Variants in REXO4 observed in about 807,000 individuals in gnomAD.
REXO4 encodes the protein REX4 homolog, 3'-5' exonuclease.
A neutral mutation model predicts 39.9 loss-of-function variants in REXO4; 29 were observed. The observed-to-expected ratio is 0.73, with a 90% CI of 0.54 to 0.99. The LOEUF (loss-of-function observed/expected upper bound fraction) is 0.99, where lower values mean the gene tolerates loss of function less well. Ranked by LOEUF, REXO4 falls within the 50% of genes least tolerant of loss-of-function variation. The pLI is 0.00. For synonymous variants in REXO4, 184 were observed against 206.2 expected (o/e 0.89, Z 0.92); for missense variants, 524 against 546.5 (o/e 0.96, Z 0.41).
intron 5 of REXO4, among the ~76,000 whole-genome samples, chr9:133,409,862 C>T (rs1053365113): frequency 2.6e-5 from 4 of 152,218 alleles, no homozygotes; most frequent in African/African-American, 9.7e-5. Flanking sequence ...TGTGTCTGGT[C>T]CTTAGCATCA....
chr9:133,407,218 G>A (rs922623256), intron 7 of REXO4, 146 bp from the exon 8 acceptor site: 7 of 1,267,248 alleles, frequency 5.5e-6, no homozygotes, highest in East Asian at 2.4e-5. Flanking sequence ...TCACCAGGAC[G>A]GGGAGGGAGG....
At chr9:133,417,174 G>C (rs7037605) in intron 1 of REXO4, among the ~76,000 whole-genome samples, 9,208 of 152,242 alleles carry the variant, frequency 0.06, 857 homozygotes, top group African/African-American at 0.2. Context: ...ATCACGCCCG[G>C]CTAATATTTT....
At chr9:133,414,517 A>G (rs1839439696) in intron 2 of REXO4, 148 bp downstream of exon 2, 1 of 784,014 alleles carries the variant, frequency 1.3e-6, no homozygotes, top group East Asian at 2.6e-5. Flanking sequence ...CTAGGGGAAA[A>G]CAAGTAACAG....
chr9:133,415,689 G>A (rs921665078), intron 1 of REXO4: 1 of 152,172 alleles, frequency 6.6e-6, no homozygotes, highest in African/African-American at 2.4e-5. Flanking sequence ...AAGAACTGAA[G>A]GGCTGACTTT....
At chr9:133,417,237 G>A (rs1371430468) in intron 1 of REXO4, among the ~76,000 whole-genome samples, 3 of 152,308 alleles carry the variant, frequency 2.0e-5, no homozygotes, top group African/African-American at 4.8e-5. Flanking sequence ...GGCTGGTCTT[G>A]AACTCTTGAC....
At chr9:133,416,277 G>A (rs1372475035) in intron 1 of REXO4, among the ~76,000 whole-genome samples, 1 of 152,126 alleles carries the variant, frequency 6.6e-6, no homozygotes, top group South Asian at 2.1e-4. Context: ...TTACTGAGGG[G>A]AGGGCACCAA....
chr9:133,411,028 T>G lies in REXO4; in HGVS notation c.956A>C (p.Lys319Thr). Residue 319 changes from lysine to threonine, a missense_variant, in exon 5 of 8, where the codon AAG becomes ACG. Physicochemically the swap from Lys to Thr is moderately conservative, Grantham distance 78 (BLOSUM62 -1). Transcript: ENST00000371942. ...AGCGTGCCCCACTAGAATTCTGCCC[T>G]TCAGCATCTCTGCCACTTCCTTCTG... ...VVQKEVAEML[K>T]GRILVGHALH... 4 of 1,614,104 alleles carry G rather than the reference T, an allele frequency of 2.5e-6. No homozygotes were observed. Among genetic ancestry groups the G allele is most frequent in the Non-Finnish European group, 3.4e-6 (4 of 1,179,990 alleles).
chr9:133,410,892 C>T, intron 5 of REXO4, 93 bp downstream of exon 5: 1 of 905,214 alleles, frequency 1.1e-6, no homozygotes, highest in East Asian at 2.5e-5. Flanking sequence ...AGCACAAACC[C>T]ACACATTGTT....
At position 133,406,825 on chromosome 9, in the gene REXO4, G is replaced by A. The variant is rs1554778881; in HGVS notation, c.*128C>T. 18 of 1,381,362 alleles carry A rather than the reference G, an allele frequency of 1.3e-5. No homozygotes were observed. Among genetic ancestry groups the A allele is most frequent in the East Asian group, 2.3e-5 (1 of 43,174 alleles). 85.6% of individuals were successfully genotyped at this position (1,381,362 alleles called of 1,614,324 possible). On this transcript the variant is annotated 3_prime_UTR_variant, in exon 8 of 8. Transcript: ENST00000371942. ...AGGAGGACCTTCTCAGTAGCACCAC[G>A]CCACGCCCCTCTGCCATGATTCTGA...
chr9:133,411,752 C>A (rs782777988), intron 4 of REXO4, among the ~76,000 whole-genome samples: 1 of 151,962 alleles, frequency 6.6e-6, no homozygotes, highest in African/African-American at 2.4e-5. Context: ...TGTGGAGAAA[C>A]CCTGTCTCTA....
rs71503345 is a variant in REXO4, at chr9:133,408,934, T to TTGTGTGTG, written c.1000-100_1000-93dup. 801 of 321,802 alleles carry TTGTGTGTG rather than the reference T, an allele frequency of 2.5e-3. 20 individuals are homozygous for TTGTGTGTG. The highest frequency in any genetic ancestry group is 0.016 in the African/African-American group (481 of 29,392). 19.9% of individuals were successfully genotyped at this position (321,802 alleles called of 1,614,324 possible). On this transcript the variant is annotated intron_variant, in intron 5 of 7. Transcript: ENST00000371942. ...CCGCCACCTTTTGCAAGTAACATCT[T>TTGTGTGTG]TGTGTGTGTGTGTGTGTGTGTGTGT... is the stretch of plus-strand genomic sequence containing the variant.
intron 2 of REXO4, among the ~76,000 whole-genome samples, chr9:133,414,116 G>A (rs898529767): frequency 6.6e-6 from 1 of 152,182 alleles, no homozygotes; most frequent in Non-Finnish European, 1.5e-5. Context: ...CGTCACCCAG[G>A]CTGGAGGCAG....
Position 133,412,872 on chromosome 9 carries a change from T to C in REXO4, c.622A>G (p.Ile208Val), listed in dbSNP as rs781805204. 3.1e-6 allele frequency: 5 copies of C among 1,614,132 alleles called. No homozygotes were observed. The highest frequency in any genetic ancestry group is 1.7e-5 in the Admixed American group (1 of 60,034). The change falls in exon 3 of 8, where the codon ATA (isoleucine) becomes GTA (valine). Residue 208 changes from isoleucine to valine, a missense_variant. By Grantham distance (29) the Ile-to-Val change is conservative. Coordinates refer to ENST00000371942, the MANE Select transcript of REXO4 (RefSeq NM_020385.4). Reference protein sequence around the residue: ...DVDPADIEAAIGPEAAKIARK... With the variant: ...DVDPADIEAAVGPEAAKIARK... ...GCTATCTTGGCCGCCTCTGGACCTA[T>C]GGCAGCTTCGATATCCGCTGGGTCC...
chr9:133,412,817 C>G lies in REXO4; in HGVS notation c.677G>C (p.Ser226Thr). 2 of 1,613,852 alleles carry G rather than the reference C, an allele frequency of 1.2e-6. No homozygotes were observed. Among genetic ancestry groups the G allele is most frequent in the Non-Finnish European group, 1.7e-6 (2 of 1,180,040 alleles). The change falls in exon 3 of 8, where the codon AGC becomes ACC. Residue 226 changes from serine to threonine, a missense_variant. Physicochemically the swap from Ser to Thr is moderately conservative, Grantham distance 58. Coordinates refer to ENST00000371942, the MANE Select transcript of REXO4 (RefSeq NM_020385.4). ...ARKQLGQSEG[S>T]VSLSLVKEQA... The stretch of plus-strand genomic sequence containing the variant: ...CTCTTTCACGAGGCTGAGGCTGACG[C>G]TGCCCTCGCTCTGACCCAACTGTTT...
At chr9:133,416,085 A>T (rs1217875954) in intron 1 of REXO4, among the ~76,000 whole-genome samples, 1 of 152,212 alleles carries the variant, frequency 6.6e-6, no homozygotes, top group Non-Finnish European at 1.5e-5. Context: ...ATGGTTTTGC[A>T]GGTTGTACAA....
intron 6 of REXO4, among the ~76,000 whole-genome samples, chr9:133,408,288 TA>T (rs781897193): frequency 2.0e-5 from 3 of 151,920 alleles, no homozygotes; most frequent in East Asian, 3.9e-4. Flanking sequence ...ACCCTATCTC[TA>T]AAAAAATAAA....
In REXO4 at chr9:133,411,087, A is replaced by G; in HGVS notation, c.911-14T>C. ...CAAGCTCTTCTCCTGGAAAATCAAC[A>G]CAAAGAAGCGGTTTTTTGCAACACA... is the stretch of plus-strand genomic sequence containing the variant. On this transcript the variant is annotated splice_polypyrimidine_tract_variant and intron_variant, in intron 4 of 7. Coordinates refer to ENST00000371942, the MANE Select transcript of REXO4 (RefSeq NM_020385.4). The G allele has an allele frequency of 6.2e-7, 1 of 1,612,526 alleles. No homozygotes were observed. Among genetic ancestry groups the G allele is most frequent in the South Asian group, 1.1e-5 (1 of 91,032 alleles).
chr9:133,408,952 G>GTA (rs1839069540), intron 5 of REXO4, 110 bp from the exon 6 acceptor site: 3 of 487,330 alleles, frequency 6.2e-6, no homozygotes, highest in Non-Finnish European at 1.1e-5. Context: ...GTGTGTGTGT[G>GTA]TGTGTGTGTG....
At chr9:133,415,548 C>CT (rs886335269) in intron 1 of REXO4, 3 of 154,158 alleles carry the variant, frequency 1.9e-5, no homozygotes, top group Admixed American at 1.9e-4. Context: ...CACACCTTGG[C>CT]TGTCACCCAA....
Sources: allele counts gnomAD v4.1 joint callset (sites outside exome capture counted in the v4.1 genomes callset), GRCh38; gene constraint gnomAD v4.1.1; transcripts MANE v1.5; gene names NCBI Gene and HGNC (gene_info 2026-07-23, HGNC 2026-07-21).